LPP: variants seen among roughly 807,000 people sequenced by gnomAD.
The protein encoded by LPP is LIM domain containing preferred translocation partner in lipoma.
A neutral mutation model predicts 60.4 loss-of-function variants in LPP; 38 were observed. That is an observed-to-expected ratio of 0.63 (90% CI 0.49 to 0.83). LPP has a LOEUF of 0.83. Among genes scored for constraint, LPP ranks in the 40% least tolerant of loss-of-function variants. The pLI, the probability that LPP is intolerant of heterozygous loss-of-function variation, is 0.00. For missense variants in LPP, 902 were observed against 783.6 expected (o/e 1.15, Z -1.80); for synonymous variants, 328 against 290.8 (o/e 1.13, Z -1.30).
chr3:188,318,753 C>CTTTTTTTTTTTTTTTTTTTTTTTTTTTT (rs10708836), intron 2 of LPP, among the ~76,000 whole-genome samples: 1 of 96,838 alleles, frequency 1.0e-5, no homozygotes, highest in African/African-American at 4.9e-5. Flanking sequence ...AATTATGATT[C>CTTTTTTTTTTTTTTTTTTTTTTTTTTTT]TTTTTTTTTT....
chr3:188,703,752 G>A (rs1344538380), intron 7 of LPP, among the ~76,000 whole-genome samples: 1 of 152,120 alleles, frequency 6.6e-6, no homozygotes, highest in Non-Finnish European at 1.5e-5. Flanking sequence ...AGTATTCAGA[G>A]AACAAAAAGA....
chr3:188,552,035 A>T (rs74690177), intron 6 of LPP, among the ~76,000 whole-genome samples: 2 of 152,304 alleles, frequency 1.3e-5, no homozygotes, highest in East Asian at 3.9e-4. Flanking sequence ...ACAGAAAAAA[A>T]TATTGCATTG....
chr3:188,310,856 T>C (rs531447685), intron 2 of LPP, among the ~76,000 whole-genome samples: 1 of 152,294 alleles, frequency 6.6e-6, no homozygotes, highest in South Asian at 2.1e-4. Context: ...AAAGAATCCT[T>C]ATAGTAAAGA....
chr3:188,289,223 G>A (rs1310132135), intron 2 of LPP, among the ~76,000 whole-genome samples: 1 of 152,052 alleles, frequency 6.6e-6, no homozygotes, highest in Non-Finnish European at 1.5e-5. Flanking sequence ...TAAAATCCAA[G>A]GCTCTGTGCT....
chr3:188,464,211 G>A (rs891199660), intron 4 of LPP, among the ~76,000 whole-genome samples: 1 of 152,116 alleles, frequency 6.6e-6, no homozygotes, highest in Non-Finnish European at 1.5e-5. Flanking sequence ...TGCTTTTATA[G>A]CAAAATATTT....
At chr3:188,814,245 G>A (rs1751870343) in intron 9 of LPP, among the ~76,000 whole-genome samples, 1 of 152,122 alleles carries the variant, frequency 6.6e-6, no homozygotes, top group African/African-American at 2.4e-5. Context: ...TAGACAAGAA[G>A]GTTGCCCTAA....
chr3:188,414,003 G>T (rs1403681268), intron 4 of LPP, among the ~76,000 whole-genome samples: 4 of 152,030 alleles, frequency 2.6e-5, no homozygotes, highest in Non-Finnish European at 5.9e-5. Context: ...TACTTATTCA[G>T]CAGTCATTTA....
chr3:188,227,475 A>C (rs551477542), intron 2 of LPP, among the ~76,000 whole-genome samples: 1 of 152,094 alleles, frequency 6.6e-6, no homozygotes, highest in East Asian at 1.9e-4. Flanking sequence ...AATATGAGCC[A>C]ACAGTGGCTT....
At chr3:188,284,791 G>C (rs1488154267) in intron 2 of LPP, among the ~76,000 whole-genome samples, 1 of 152,152 alleles carries the variant, frequency 6.6e-6, no homozygotes, top group Non-Finnish European at 1.5e-5. Flanking sequence ...GAGCATGTAG[G>C]GAAAGGGCCT....
chr3:188,358,628 A>G (rs1019333994), intron 3 of LPP, among the ~76,000 whole-genome samples: 1 of 152,178 alleles, frequency 6.6e-6, no homozygotes, highest in Middle Eastern at 3.2e-3. Flanking sequence ...AGTGGAAGAG[A>G]TGCCAGTCTA....
chr3:188,273,437 A>G (rs1738504729), intron 2 of LPP, among the ~76,000 whole-genome samples: 1 of 152,162 alleles, frequency 6.6e-6, no homozygotes, highest in African/African-American at 2.4e-5. Flanking sequence ...GTAGAAGTGA[A>G]CCATAAACCC....
intron 9 of LPP, among the ~76,000 whole-genome samples, chr3:188,820,589 G>C (rs1190329716): frequency 1.3e-5 from 2 of 152,100 alleles, no homozygotes; most frequent in African/African-American, 4.8e-5. Flanking sequence ...CCTCACTATA[G>C]CCCATTTCTA....
chr3:188,337,906 A>G (rs558477218), intron 2 of LPP, among the ~76,000 whole-genome samples: 11 of 152,338 alleles, frequency 7.2e-5, no homozygotes, highest in African/African-American at 2.4e-4. Context: ...TGTCACTCTT[A>G]AAGTACTTAT....
At chr3:188,607,884 T>A (rs1294825510) in intron 6 of LPP, among the ~76,000 whole-genome samples, 1 of 152,210 alleles carries the variant, frequency 6.6e-6, no homozygotes, top group South Asian at 2.1e-4. Flanking sequence ...TAAATACAGA[T>A]ATGCAAATAT....
intron 9 of LPP, among the ~76,000 whole-genome samples, chr3:188,830,149 C>T (rs1756749713): frequency 6.6e-6 from 1 of 151,738 alleles, no homozygotes; most frequent in Admixed American, 6.6e-5. Flanking sequence ...TAGAAATGGA[C>T]ATTTTATGTA....
intron 9 of LPP, among the ~76,000 whole-genome samples, chr3:188,834,497 T>C (rs1307467987): frequency 6.6e-6 from 1 of 152,012 alleles, no homozygotes; most frequent in Non-Finnish European, 1.5e-5. Context: ...CTACCAGCCT[T>C]CCCCACCAAG....
At chr3:188,238,099 A>C (rs1722559747) in intron 2 of LPP, among the ~76,000 whole-genome samples, 1 of 152,072 alleles carries the variant, frequency 6.6e-6, no homozygotes, top group African/African-American at 2.4e-5. Context: ...TTGCACTTTT[A>C]TGTTATGGAG....
intron 9 of LPP, among the ~76,000 whole-genome samples, chr3:188,821,730 A>T (rs1349644535): frequency 6.6e-6 from 1 of 152,048 alleles, no homozygotes; most frequent in African/African-American, 2.4e-5. Flanking sequence ...AATCTGTTTT[A>T]TTCTCAGAGA....
At chr3:188,619,225 A>G (rs1845390390) in intron 7 of LPP, among the ~76,000 whole-genome samples, 1 of 152,126 alleles carries the variant, frequency 6.6e-6, no homozygotes, top group African/African-American at 2.4e-5. Flanking sequence ...GGGTTTTACC[A>G]TGTTGGCTAG....
Sources: gnomAD v4.1 joint callset for allele counts (sites outside exome capture counted in the v4.1 genomes callset) on GRCh38, gnomAD v4.1.1 for gene constraint, MANE v1.5 for transcripts, NCBI Gene and HGNC (gene_info 2026-07-23, HGNC 2026-07-21) for gene names.